RAPGEF2: variants seen among roughly 807,000 people sequenced by gnomAD.
RAPGEF2 encodes the protein PDZ domain containing guanine nucleotide exchange factor (GEF) 1.
In RAPGEF2, 54 loss-of-function variants were observed where a neutral mutation model predicts 186.7. The ratio of observed to expected loss-of-function variants is 0.29; its 90% CI spans 0.23 to 0.36. The LOEUF is 0.36. Ranked by LOEUF, RAPGEF2 falls within the 10% of genes least tolerant of loss-of-function variation. The probability of loss-of-function intolerance (pLI) is 1.00; values close to 1 mark genes in which losing one functional copy is unlikely to be tolerated. For missense variants in RAPGEF2, 1,532 were observed against 2,045.0 expected (o/e 0.75, Z 4.84); for synonymous variants, 712 against 705.9 (o/e 1.01, Z -0.14).
In RAPGEF2 at chr4:159,346,749, A is replaced by G. The variant is rs766472568; in HGVS notation, c.3503-40A>G. ...ATCTTCTACATACCTACTAGCATCT[A>G]AAATTCTTTGTTCTATTTTCAAACC... On this transcript the variant is annotated intron_variant, in intron 24 of 29. Coordinates refer to ENST00000691494, the MANE Select transcript of RAPGEF2 (RefSeq NM_001394067.2). 5.2e-6 allele frequency: 8 copies of G among 1,547,738 alleles called. No homozygotes were observed. In the South Asian group the frequency reaches 7.9e-5, roughly 15 times the overall value.
chr4:159,225,942 A>G (rs1751988819), intron 4 of RAPGEF2, among the ~76,000 whole-genome samples: 1 of 152,232 alleles, frequency 6.6e-6, no homozygotes, highest in South Asian at 2.1e-4. Flanking sequence ...CTTAAAAAAA[A>G]TAAAAACTTT....
intron 1 of RAPGEF2, among the ~76,000 whole-genome samples, chr4:159,122,648 C>A (rs957734904): frequency 2.0e-5 from 3 of 152,148 alleles, no homozygotes; most frequent in Non-Finnish European, 4.4e-5. Context: ...GTAGCCACCT[C>A]CTGTTGCTTT....
intron 1 of RAPGEF2, among the ~76,000 whole-genome samples, chr4:159,182,413 T>TTTTTTTTG (rs1747117283): frequency 8.1e-6 from 1 of 123,114 alleles, no homozygotes; most frequent in Non-Finnish European, 1.7e-5. Context: ...TTTTTTTTTT[T>TTTTTTTTG]GATACAGAGT....
At chr4:159,116,826 CACTT>C (rs1230167252) in intron 1 of RAPGEF2, among the ~76,000 whole-genome samples, 5 of 152,184 alleles carry the variant, frequency 3.3e-5, no homozygotes, top group Non-Finnish European at 7.3e-5. Flanking sequence ...TGCATGTTCT[CACTT>C]ACAAGTGGGA....
At chr4:159,330,106 T>A in intron 12 of RAPGEF2, 96 bp downstream of exon 12, 1 of 1,267,802 alleles carries the variant, frequency 7.9e-7, no homozygotes, top group East Asian at 2.4e-5. Flanking sequence ...TAGGCCTATC[T>A]CTTAAAGGTT....
intron 4 of RAPGEF2, among the ~76,000 whole-genome samples, chr4:159,219,657 A>C (rs1325096990): frequency 3.3e-5 from 5 of 152,154 alleles, no homozygotes; most frequent in African/African-American, 1.2e-4. Flanking sequence ...GCGCAGCCAT[A>C]ACTTTATCTT....
intron 4 of RAPGEF2, among the ~76,000 whole-genome samples, chr4:159,217,308 A>G (rs1200531263): frequency 6.6e-6 from 1 of 152,118 alleles, no homozygotes; most frequent in African/African-American, 2.4e-5. Context: ...TAGCTTTTCA[A>G]TTCTTGCCCG....
intron 4 of RAPGEF2, among the ~76,000 whole-genome samples, chr4:159,219,758 A>T (rs927864027): frequency 3.9e-5 from 6 of 152,220 alleles, no homozygotes; most frequent in African/African-American, 9.6e-5. Flanking sequence ...CCAGGTTATT[A>T]GTCATGTCTT....
At chr4:159,144,669 G>T (rs1742716563) in intron 1 of RAPGEF2, among the ~76,000 whole-genome samples, 1 of 152,080 alleles carries the variant, frequency 6.6e-6, no homozygotes, top group Non-Finnish European at 1.5e-5. Flanking sequence ...GCTAGGTTTT[G>T]GGATGTTATT....
At chr4:159,293,351 C>A (rs1761491336) in intron 7 of RAPGEF2, among the ~76,000 whole-genome samples, 1 of 152,014 alleles carries the variant, frequency 6.6e-6, no homozygotes, top group Admixed American at 6.6e-5. Flanking sequence ...ATTATTTGTC[C>A]CCACCCACTA....
At chr4:159,249,824 T>G (rs1402478188) in intron 7 of RAPGEF2, among the ~76,000 whole-genome samples, 1 of 152,148 alleles carries the variant, frequency 6.6e-6, no homozygotes, top group African/African-American at 2.4e-5. Context: ...TTGTTTTTCT[T>G]TTTTGGTTAA....
rs1186888747 is a variant in RAPGEF2 at position 159,332,054 on chromosome 4, T to C, written c.1888+20T>C. 2.7e-6 allele frequency: 4 copies of C among 1,488,694 alleles called. No homozygotes were observed. The highest frequency in any genetic ancestry group is 3.7e-6 in the Non-Finnish European group (4 of 1,087,622). The allele number at this position is 1,488,694 out of a possible 1,614,324, so 92.2% of individuals were successfully genotyped here. ...TATTTGGTAAGTATTTTGCATACTT[T>C]TCATTTTTCTCCTTTTGGCCTTGTT... On this transcript the variant is annotated intron_variant, in intron 16 of 29. Transcript: ENST00000691494.
intron 1 of RAPGEF2, among the ~76,000 whole-genome samples, chr4:159,144,952 A>G (rs889788692): frequency 7.5e-6 from 1 of 133,462 alleles, no homozygotes; most frequent in Non-Finnish European, 1.5e-5. Flanking sequence ...AAGAGGTATG[A>G]TCATGGCTCA....
chr4:159,147,706 T>C (rs1305085202), intron 1 of RAPGEF2, among the ~76,000 whole-genome samples: 1 of 152,214 alleles, frequency 6.6e-6, no homozygotes, highest in Non-Finnish European at 1.5e-5. Context: ...AAAATTACAC[T>C]CATGCATTCA....
chr4:159,166,343 G>C (rs560763873), intron 1 of RAPGEF2, among the ~76,000 whole-genome samples: 2 of 152,242 alleles, frequency 1.3e-5, no homozygotes, highest in African/African-American at 4.8e-5. Context: ...AAGGGCAGAG[G>C]CATAAATCAA....
intron 8 of RAPGEF2, among the ~76,000 whole-genome samples, chr4:159,313,201 A>G (rs1284004787): frequency 2.0e-5 from 3 of 152,196 alleles, no homozygotes; most frequent in Admixed American, 6.5e-5. Context: ...TATTCTGTAA[A>G]TATTAAATTA....
At chr4:159,219,898 A>G (rs1751371104) in intron 4 of RAPGEF2, among the ~76,000 whole-genome samples, 1 of 152,198 alleles carries the variant, frequency 6.6e-6, no homozygotes, top group Non-Finnish European at 1.5e-5. Context: ...TACAAATATT[A>G]TTGATTGCTT....
intron 7 of RAPGEF2, among the ~76,000 whole-genome samples, chr4:159,281,372 G>C (rs892580042): frequency 9.2e-5 from 14 of 151,482 alleles, no homozygotes; most frequent in African/African-American, 3.4e-4. Flanking sequence ...TCACAATATT[G>C]TTTTGAAAAT....
intron 7 of RAPGEF2, among the ~76,000 whole-genome samples, chr4:159,251,855 C>T (rs576189050): frequency 7.2e-5 from 11 of 151,796 alleles, no homozygotes; most frequent in East Asian, 5.8e-4. Context: ...AGTTTGCCGC[C>T]GCGATCTGCT....
Sources: gnomAD v4.1 joint callset for allele counts (sites outside exome capture counted in the v4.1 genomes callset) on GRCh38, gnomAD v4.1.1 for gene constraint, MANE v1.5 for transcripts, NCBI Gene and HGNC (gene_info 2026-07-23, HGNC 2026-07-21) for gene names.